PXDNL: variants seen among roughly 807,000 people sequenced by gnomAD.
PXDNL encodes peroxidasin like, also known as probable oxidoreductase PXDNL.
A neutral mutation model predicts 150.8 loss-of-function variants in PXDNL; 145 were observed. The observed-to-expected ratio is 0.96, with a 90% CI of 0.84 to 1.10. The LOEUF (loss-of-function observed/expected upper bound fraction) is 1.10. Among genes scored for constraint, PXDNL ranks in the 50% least tolerant of loss-of-function variants. The pLI, the probability that PXDNL is intolerant of heterozygous loss-of-function variation, is 0.00. For missense variants in PXDNL, 2,087 were observed against 1,873.9 expected, an observed-to-expected ratio of 1.11 and a Z score of -2.10; for synonymous variants, 757 against 725.7, an observed-to-expected ratio of 1.04 and a Z score of -0.69.
At chr8:51,374,070 ACTCGTAAATGCC>A (rs1807218737) in intron 18 of PXDNL, among the ~76,000 whole-genome samples, 1 of 152,136 alleles carries the variant, frequency 6.6e-6, no homozygotes, top group African/African-American at 2.4e-5. Context: ...TTATCTTTCC[ACTCGTAAATGCC>A]CTCATAATGT....
chr8:51,400,690 G>C (rs911402875), intron 17 of PXDNL, among the ~76,000 whole-genome samples: 2 of 152,176 alleles, frequency 1.3e-5, no homozygotes, highest in Non-Finnish European at 2.9e-5. Flanking sequence ...TTGACAGAAT[G>C]AGTTTTGATT....
intron 4 of PXDNL, among the ~76,000 whole-genome samples, chr8:51,533,213 C>T (rs529769271): frequency 8.6e-5 from 13 of 151,940 alleles, no homozygotes; most frequent in African/African-American, 1.7e-4. Context: ...CACAGTGGCG[C>T]AATCTCAGCT....
Position 51,770,593 on chromosome 8 carries a change from T to A in PXDNL, c.164+38588A>T, listed in dbSNP as rs77323569. On this transcript the variant is annotated intron_variant, in intron 1 of 22. Transcript: ENST00000356297. Reference sequence around the variant, plus strand: ...CCATGTCTCCTGCTGTCTCCTCCTGTCTCTTGATCAGAATGCACAGGCCTT... The same window carrying A: ...CCATGTCTCCTGCTGTCTCCTCCTGACTCTTGATCAGAATGCACAGGCCTT... 3.5e-4 allele frequency among the ~76,000 whole-genome samples: 54 copies of A among 152,332 alleles called. No homozygotes were observed. The East Asian group carries it at 8.5e-3, about 24-fold the overall frequency.
chr8:51,683,414 G>T (rs1175286636), intron 1 of PXDNL, among the ~76,000 whole-genome samples: 1 of 151,538 alleles, frequency 6.6e-6, no homozygotes, highest in East Asian at 2.0e-4. Flanking sequence ...TTAAAAATCA[G>T]ATTTTTGCTT....
chr8:51,612,207 ACTC>A (rs1814022030), intron 2 of PXDNL, among the ~76,000 whole-genome samples: 1 of 151,782 alleles, frequency 6.6e-6, no homozygotes, highest in Non-Finnish European at 1.5e-5. Flanking sequence ...CCCGGCCTCC[ACTC>A]CTCCTCTCTT....
At chr8:51,346,089 T>C (rs575897545) in intron 19 of PXDNL, 142 bp from the exon 20 acceptor site, 181 of 554,600 alleles carry the variant, frequency 3.3e-4, no homozygotes, top group Non-Finnish European at 5.4e-4. Context: ...ACTCATTTAG[T>C]CCGTTCCATT....
At chr8:51,651,254 G>T (rs937249260) in intron 2 of PXDNL, among the ~76,000 whole-genome samples, 1 of 152,072 alleles carries the variant, frequency 6.6e-6, no homozygotes, top group Non-Finnish European at 1.5e-5. Context: ...GAAGCGATTC[G>T]GCCAAATTAG....
chr8:51,547,604 A>C (rs571032877), intron 4 of PXDNL, among the ~76,000 whole-genome samples: 1 of 152,270 alleles, frequency 6.6e-6, no homozygotes, highest in Non-Finnish European at 1.5e-5. Context: ...TGGTTACCGA[A>C]GTCTGGCTCT....
chr8:51,727,167 G>A (rs1273972656), intron 1 of PXDNL, among the ~76,000 whole-genome samples: 4 of 152,162 alleles, frequency 2.6e-5, no homozygotes, highest in Non-Finnish European at 1.5e-5. Flanking sequence ...TATAATAAGT[G>A]CAGACTAGGA....
At chr8:51,604,260 C>G (rs1432954403) in intron 2 of PXDNL, among the ~76,000 whole-genome samples, 1 of 152,128 alleles carries the variant, frequency 6.6e-6, no homozygotes, top group African/African-American at 2.4e-5. Context: ...AAATGTCCAA[C>G]AACAATAGAC....
intron 1 of PXDNL, among the ~76,000 whole-genome samples, chr8:51,709,694 A>C (rs1380214699): frequency 1.3e-5 from 2 of 152,268 alleles, no homozygotes; most frequent in African/African-American, 4.8e-5. Flanking sequence ...ATTATGGTAC[A>C]TGAACATGGT....
At chr8:51,530,467 T>C (rs1029425521) in intron 4 of PXDNL, among the ~76,000 whole-genome samples, 2 of 152,136 alleles carry the variant, frequency 1.3e-5, no homozygotes, top group Admixed American at 6.5e-5. Context: ...CTTTCAAACA[T>C]AAATCAGATC....
chr8:51,478,653 A>T (rs1212242224), intron 6 of PXDNL, among the ~76,000 whole-genome samples: 2 of 152,236 alleles, frequency 1.3e-5, no homozygotes, highest in Non-Finnish European at 2.9e-5. Context: ...TCAAGGGCAG[A>T]ATTCCCGCTG....
intron 1 of PXDNL, among the ~76,000 whole-genome samples, chr8:51,766,796 C>A (rs191998015): frequency 6.6e-6 from 1 of 151,826 alleles, no homozygotes; most frequent in Admixed American, 6.6e-5. Context: ...AGGGATGGAT[C>A]GCTGAGTTTA....
At chr8:51,648,142 G>A (rs16916654) in intron 2 of PXDNL, among the ~76,000 whole-genome samples, 18,468 of 151,992 alleles carry the variant, frequency 0.12, 1,916 homozygotes, top group African/African-American at 0.27. Flanking sequence ...CTCTCATTAC[G>A]ACTATTACTA....
intron 1 of PXDNL, among the ~76,000 whole-genome samples, chr8:51,712,826 T>G (rs1359426572): frequency 6.6e-6 from 1 of 152,240 alleles, no homozygotes; most frequent in African/African-American, 2.4e-5. Flanking sequence ...TTGAAAATAC[T>G]TCTAATACCT....
At chr8:51,518,243 C>T (rs9792278) in intron 4 of PXDNL, among the ~76,000 whole-genome samples, 69,461 of 152,022 alleles carry the variant, frequency 0.46, 19,417 homozygotes, top group East Asian at 0.64. Context: ...GAATTTCCAA[C>T]TGGCCTATAA....
chr8:51,661,671 C>T (rs1032565727), intron 1 of PXDNL, among the ~76,000 whole-genome samples: 2 of 152,124 alleles, frequency 1.3e-5, no homozygotes, highest in Non-Finnish European at 2.9e-5. Context: ...CTTAAAATCT[C>T]CCTCTCCTTA....
chr8:51,708,616 T>C (rs574056092), intron 1 of PXDNL, among the ~76,000 whole-genome samples: 1 of 152,282 alleles, frequency 6.6e-6, no homozygotes, highest in Non-Finnish European at 1.5e-5. Context: ...AGAGAGCTCA[T>C]AGATACGGAA....
Sources: gnomAD v4.1 joint callset for allele counts (sites outside exome capture counted in the v4.1 genomes callset) on GRCh38, gnomAD v4.1.1 for gene constraint, MANE v1.5 for transcripts, NCBI Gene and HGNC (gene_info 2026-07-23, HGNC 2026-07-21) for gene names.